The following SIN3A variants were observed in gnomAD, a reference collection of about 807,000 sequenced individuals.
The protein encoded by SIN3A is SIN3 transcription regulator family member A, also known as paired amphipathic helix protein Sin3a.
In SIN3A, 14 loss-of-function variants were observed where a neutral mutation model predicts 146.1. The ratio of observed to expected loss-of-function variants is 0.10; its 90% CI spans 0.06 to 0.15. SIN3A has a LOEUF of 0.15. Among genes scored for constraint, SIN3A ranks in the 10% least tolerant of loss-of-function variants. SIN3A has a pLI of 1.00. For missense variants in SIN3A, 1,028 were observed against 1,576.0 expected (o/e 0.65, Z 5.89); for synonymous variants, 572 against 572.0 (o/e 1.00, Z 0.00).
intron 1 of SIN3A, among the ~76,000 whole-genome samples, chr15:75,437,392 C>T (rs2074126277): frequency 6.6e-6 from 1 of 152,138 alleles, no homozygotes; most frequent in African/African-American, 2.4e-5. Context: ...GTCTCCAACT[C>T]CTGGCCTCAA....
intron 2 of SIN3A, among the ~76,000 whole-genome samples, chr15:75,426,352 G>T (rs1274873442): frequency 6.6e-6 from 1 of 152,192 alleles, no homozygotes; most frequent in Non-Finnish European, 1.5e-5. Flanking sequence ...TACTTCAGCT[G>T]CATTTCCTCT....
chr15:75,416,389 G>A (rs1380285787), intron 3 of SIN3A, among the ~76,000 whole-genome samples: 6 of 152,140 alleles, frequency 3.9e-5, no homozygotes, highest in East Asian at 1.9e-4. Context: ...GCAGTGGTGC[G>A]ATCTTGGCTC....
chr15:75,379,329 A>AG (rs1478858482), intron 19 of SIN3A, among the ~76,000 whole-genome samples: 6 of 152,212 alleles, frequency 3.9e-5, no homozygotes, highest in Admixed American at 3.3e-4. Flanking sequence ...TAAGAGTGTA[A>AG]GGGGTCTCAA....
chr15:75,389,872 G>C (rs2073165010), intron 15 of SIN3A, 51 bp from the exon 16 acceptor site: 2 of 1,585,338 alleles, frequency 1.3e-6, no homozygotes, highest in Non-Finnish European at 1.7e-6. Flanking sequence ...GAAAAGACTA[G>C]GGATAGAGTA....
At chr15:75,446,271 A>G (rs1039979182) in intron 1 of SIN3A, 2 of 151,330 alleles carry the variant, frequency 1.3e-5, no homozygotes, top group Non-Finnish European at 2.9e-5. Context: ...TGAGGGAGCT[A>G]GTCATGCAGA....
At chr15:75,386,318 G>A (rs1459283966) in intron 16 of SIN3A, among the ~76,000 whole-genome samples, 3 of 152,060 alleles carry the variant, frequency 2.0e-5, no homozygotes, top group African/African-American at 4.8e-5. Context: ...GTGAGCCACC[G>A]CCTCTACTTT....
chr15:75,445,149 G>A (rs1337647951), intron 1 of SIN3A, among the ~76,000 whole-genome samples: 1 of 152,028 alleles, frequency 6.6e-6, no homozygotes, highest in Non-Finnish European at 1.5e-5. Context: ...GGGAGGCCAA[G>A]GCAGGTGGAT....
At chr15:75,439,882 G>A (rs551866520) in intron 1 of SIN3A, among the ~76,000 whole-genome samples, 49 of 151,896 alleles carry the variant, frequency 3.2e-4, no homozygotes, top group African/African-American at 1.1e-3. Context: ...CAAGTGTGGT[G>A]GCTCACGCCT....
chr15:75,452,555 A>G (rs1567444821), upstream of SIN3A, among the ~76,000 whole-genome samples: 1 of 152,252 alleles, frequency 6.6e-6, no homozygotes, highest in Admixed American at 6.5e-5. Context: ...CCTTTCAGCC[A>G]AGTAGAGTAC....
rs1456081470 is a variant in SIN3A, at chr15:75,400,763, G to T, written c.1704C>A (p.Pro568=). Residue 568 remains proline, a synonymous_variant, in exon 11 of 21, where the codon CCC becomes CCA. Transcript: ENST00000394947. ...YRALPKSYQQ[P]KCTGRTPLCK... is the part of the protein sequence containing the mutation. ...AGAGAGGAGTCCGTCCTGTACACTT[G>T]GGCTGCTGGTAACTCTTTGGTAAGG... 1 of 1,613,874 alleles carries T rather than the reference G, an allele frequency of 6.2e-7. No homozygotes were observed. The highest frequency in any genetic ancestry group is 1.3e-5 in the African/African-American group (1 of 74,898).
intron 1 of SIN3A, among the ~76,000 whole-genome samples, chr15:75,450,576 G>C (rs934673156): frequency 5.3e-5 from 8 of 152,226 alleles, no homozygotes; most frequent in African/African-American, 1.9e-4. Flanking sequence ...ACAACCAAGA[G>C]GGGAGTGGGG....
At chr15:75,389,873 G>A (rs764211688) in intron 15 of SIN3A, 52 bp from the exon 16 acceptor site, 15 of 1,584,274 alleles carry the variant, frequency 9.5e-6, no homozygotes, top group Non-Finnish European at 1.2e-5. Context: ...AAAAGACTAG[G>A]GATAGAGTAC....
chr15:75,422,834 C>A lies in SIN3A; in HGVS notation c.190-11G>T. 2 of 1,605,558 alleles carry A rather than the reference C, an allele frequency of 1.2e-6. No homozygotes were observed. The highest frequency in any genetic ancestry group is 1.1e-5 in the South Asian group (1 of 90,950). ...TGGCATGGCTGAAACCTGGGGTGAA[C>A]AAAATACAGACAGGAAACTTCAAGG... On this transcript the variant is annotated splice_polypyrimidine_tract_variant and intron_variant, in intron 2 of 20. Transcript: ENST00000394947.
intron 1 of SIN3A, among the ~76,000 whole-genome samples, chr15:75,433,820 C>CA (rs1008144702): frequency 2.6e-5 from 4 of 151,868 alleles, no homozygotes; most frequent in Non-Finnish European, 4.4e-5. Flanking sequence ...AAAACAACAA[C>CA]AACAAACAAA....
At chr15:75,412,057 C>T (rs1249426304) in intron 5 of SIN3A, among the ~76,000 whole-genome samples, 1 of 152,204 alleles carries the variant, frequency 6.6e-6, no homozygotes, top group East Asian at 1.9e-4. Context: ...TAGAAAAAAT[C>T]TCATTCTACA....
chr15:75,406,942 A>C, intron 9 of SIN3A, 113 bp downstream of exon 9: 1 of 634,036 alleles, frequency 1.6e-6, no homozygotes, highest in Non-Finnish European at 2.7e-6. Context: ...TATGTTAAAA[A>C]ACAGAAAGTC....
At chr15:75,406,206 C>T (rs998175008) in intron 9 of SIN3A, among the ~76,000 whole-genome samples, 2 of 152,144 alleles carry the variant, frequency 1.3e-5, no homozygotes, top group African/African-American at 4.8e-5. Context: ...AAGTTGACTC[C>T]GAGGAGCAAA....
Position 75,389,803 on chromosome 15 carries a change from T to A in SIN3A, c.2870A>T (p.Asp957Val), listed in dbSNP as rs564107155. The change falls in exon 16 of 21, where the codon GAT becomes GTT. Residue 957 changes from aspartate to valine, a missense_variant. Asp to Val is a radical substitution (Grantham distance 152, BLOSUM62 -3). Transcript: ENST00000394947. Reference protein sequence around the residue: ...LKEPMDVDVEDYYPAFLDMVR... With the variant: ...LKEPMDVDVEVYYPAFLDMVR... ...CATGTCCAGGAAAGCTGGGTAATAA[T>A]CTTCTACATCAACATCCACTGTGGG... 1.2e-6 allele frequency: 2 copies of A among 1,614,114 alleles called. No individual in the cohort carries two copies.
chr15:75,447,440 A>T (rs867331137), intron 1 of SIN3A, among the ~76,000 whole-genome samples: 3 of 152,336 alleles, frequency 2.0e-5, no homozygotes, highest in Middle Eastern at 6.8e-3. Context: ...GTGGGCCACT[A>T]AACATATTAG....
Sources: gnomAD v4.1 joint callset for allele counts (sites outside exome capture counted in the v4.1 genomes callset) on GRCh38, gnomAD v4.1.1 for gene constraint, MANE v1.5 for transcripts, NCBI Gene and HGNC (gene_info 2026-07-23, HGNC 2026-07-21) for gene names.